Variants in GRID2 observed in about 807,000 individuals in gnomAD.
The protein encoded by GRID2 is glutamate receptor ionotropic, delta-2.
GRID2 carries 33 observed loss-of-function variants against 114.8 expected under a neutral mutation model. The observed-to-expected ratio is 0.29, with a 90% CI of 0.22 to 0.38. The LOEUF is 0.38. GRID2 is among the 10% of genes least tolerant of loss of function. The probability of loss-of-function intolerance (pLI) is 1.00; values close to 1 mark genes in which losing one functional copy is unlikely to be tolerated. For missense variants in GRID2, 1,184 were observed against 1,257.7 expected (o/e 0.94, Z 0.89); for synonymous variants, 505 against 449.9 (o/e 1.12, Z -1.55).
intron 13 of GRID2, among the ~76,000 whole-genome samples, chr4:93,604,843 A>T (rs929709825): frequency 2.0e-5 from 3 of 152,236 alleles, no homozygotes; most frequent in Non-Finnish European, 4.4e-5. Flanking sequence ...TAATTCGGGT[A>T]TGTACATTGG....
intron 4 of GRID2, among the ~76,000 whole-genome samples, chr4:93,192,553 C>T (rs992893030): frequency 6.6e-6 from 1 of 151,812 alleles, no homozygotes; most frequent in Non-Finnish European, 1.5e-5. Context: ...ACCAGCCTGG[C>T]CAACACGTGG....
chr4:92,834,534 C>T (rs965258319), intron 2 of GRID2, among the ~76,000 whole-genome samples: 2 of 152,034 alleles, frequency 1.3e-5, no homozygotes, highest in Non-Finnish European at 2.9e-5. Flanking sequence ...AGTATGCAAA[C>T]GTCTTTTATG....
intron 10 of GRID2, among the ~76,000 whole-genome samples, chr4:93,426,476 C>T (rs1768861203): frequency 6.6e-6 from 1 of 152,104 alleles, no homozygotes. Flanking sequence ...ATAAACTACA[C>T]TTGCTAGATG....
chr4:92,938,138 T>C (rs1489040984), intron 2 of GRID2, among the ~76,000 whole-genome samples: 2 of 146,926 alleles, frequency 1.4e-5, no homozygotes, highest in Non-Finnish European at 3.0e-5. Flanking sequence ...CAATATGGTA[T>C]AGTACATTGA....
chr4:92,680,418 A>C (rs759420497), intron 2 of GRID2, among the ~76,000 whole-genome samples: 1 of 152,172 alleles, frequency 6.6e-6, no homozygotes, highest in African/African-American at 2.4e-5. Context: ...CCTGAAAATT[A>C]AATTGTGATC....
intron 14 of GRID2, among the ~76,000 whole-genome samples, chr4:93,691,829 T>C (rs1237685053): frequency 1.3e-5 from 2 of 152,006 alleles, no homozygotes; most frequent in African/African-American, 2.4e-5. Context: ...TTTTCTCATT[T>C]TCATTCTCTG....
chr4:92,762,676 G>A (rs1158026707), intron 2 of GRID2, among the ~76,000 whole-genome samples: 3 of 152,082 alleles, frequency 2.0e-5, no homozygotes, highest in African/African-American at 7.2e-5. Context: ...GTTTTTGTTC[G>A]TTGTACCCCT....
chr4:92,874,461 C>T (rs1745489670), intron 2 of GRID2, among the ~76,000 whole-genome samples: 1 of 152,044 alleles, frequency 6.6e-6, no homozygotes, highest in South Asian at 2.1e-4. Context: ...GTCATACCTC[C>T]ATCTAATTAA....
intron 2 of GRID2, among the ~76,000 whole-genome samples, chr4:92,916,172 G>T (rs1025418731): frequency 6.6e-6 from 1 of 152,038 alleles, no homozygotes; most frequent in Non-Finnish European, 1.5e-5. Flanking sequence ...TATTGCCTAA[G>T]CTGTCTTTAA....
intron 2 of GRID2, among the ~76,000 whole-genome samples, chr4:92,858,580 C>A (rs532097527): frequency 6.6e-6 from 1 of 152,160 alleles, no homozygotes; most frequent in South Asian, 2.1e-4. Context: ...TCTTTTGAGA[C>A]GGAGTCTCAC....
At chr4:92,904,988 C>T (rs1260191268) in intron 2 of GRID2, among the ~76,000 whole-genome samples, 3 of 151,956 alleles carry the variant, frequency 2.0e-5, no homozygotes, top group African/African-American at 7.2e-5. Context: ...TTCAAGGTGG[C>T]AATTTGCTAC....
chr4:93,398,560 A>G (rs1765576320), intron 9 of GRID2, among the ~76,000 whole-genome samples: 1 of 151,882 alleles, frequency 6.6e-6, no homozygotes, highest in Admixed American at 6.6e-5. Context: ...AGGTACAATC[A>G]TGTTAAATTC....
Position 93,216,822 on chromosome 4 carries a change from C to T in GRID2, c.874C>T (p.Gln292Ter). Reference protein sequence around the residue: ...TIIRQTFPVPQNISQRCFRGN... With the variant: ...TIIRQTFPVP ...TATTCGGCAGACATTTCCAGTTCCC[C>T]AGAACATAAGTCAGCGGTGTTTCCG... The change falls in exon 6 of 16, where the codon CAG becomes TAG. Residue 292 changes from glutamine to a stop codon, truncating the protein, a stop_gained. Transcript: ENST00000282020. LOFTEE classifies it high-confidence loss of function. 1 of 1,612,718 alleles carries T rather than the reference C, an allele frequency of 6.2e-7. No individual in the cohort carries two copies. Among genetic ancestry groups the T allele is most frequent in the Non-Finnish European group, 8.5e-7 (1 of 1,178,836 alleles).
intron 1 of GRID2, among the ~76,000 whole-genome samples, chr4:92,403,948 G>A (rs1730913246): frequency 6.6e-6 from 1 of 152,008 alleles, no homozygotes; most frequent in African/African-American, 2.4e-5. Context: ...CATAGTTCAT[G>A]GCTGACCAAA....
rs1321298096 is a variant in GRID2 at position 93,301,576 on chromosome 4, G to T, written c.1245+63086G>T. On this transcript the variant is annotated intron_variant, in intron 8 of 15. Coordinates refer to ENST00000282020, the MANE Select transcript of GRID2 (RefSeq NM_001510.4). ...TGATAATATCAAAAAAACAGAAATG[G>T]TGATCATCATCATATTAGGCTTGTT... Among the ~76,000 whole-genome samples, 6 of 152,148 alleles carry T rather than the reference G, an allele frequency of 3.9e-5. No homozygotes were observed. In the East Asian group the frequency reaches 7.7e-4, roughly 20 times the overall value.
intron 2 of GRID2, among the ~76,000 whole-genome samples, chr4:92,864,128 T>C (rs79333078): frequency 0.016 from 2,452 of 152,266 alleles, 54 homozygotes; most frequent in African/African-American, 0.056. Context: ...AGCAGTGTTT[T>C]ACAATAACAG....
chr4:93,616,200 T>G (rs115926805), intron 13 of GRID2, among the ~76,000 whole-genome samples: 1,733 of 152,260 alleles, frequency 0.011, 20 homozygotes, highest in African/African-American at 0.04. Flanking sequence ...GTACACAAGC[T>G]GTGCAGTTCA....
chr4:93,440,534 C>A (rs1416145239), intron 10 of GRID2, among the ~76,000 whole-genome samples: 6 of 151,942 alleles, frequency 3.9e-5, no homozygotes, highest in African/African-American at 1.5e-4. Context: ...TACATGTTTG[C>A]ACGTCTGAAT....
chr4:93,381,854 C>T lies in GRID2; in HGVS notation c.1246-13753C>T, dbSNP rs6831638. ...ACCTTTACTGTGATATTTATTTCTT[C>T]ATATATGACTTCAAATTATTGTATA... On this transcript the variant is annotated intron_variant, in intron 8 of 15. Coordinates refer to ENST00000282020, the MANE Select transcript of GRID2 (RefSeq NM_001510.4). Among the ~76,000 whole-genome samples the T allele has an allele frequency of 7.5e-3, 1,144 of 152,146 alleles. 13 individuals are homozygous for T. Among genetic ancestry groups the T allele is most frequent in the African/African-American group, 0.026 (1,075 of 41,540 alleles).
Sources: gnomAD v4.1 joint callset for allele counts (sites outside exome capture counted in the v4.1 genomes callset) on GRCh38, gnomAD v4.1.1 for gene constraint, MANE v1.5 for transcripts, NCBI Gene and HGNC (gene_info 2026-07-23, HGNC 2026-07-21) for gene names.